The following ANKRD29 variants were observed in gnomAD, a reference collection of about 807,000 sequenced individuals.
ANKRD29 encodes ankyrin repeat domain 29.
In ANKRD29, 32 loss-of-function variants were observed where a neutral mutation model predicts 38.0. The ratio of observed to expected loss-of-function variants is 0.84; its 90% CI spans 0.64 to 1.13. ANKRD29 has a LOEUF of 1.13. Ranked by LOEUF, ANKRD29 falls within the 50% of genes most tolerant of loss-of-function variation. The pLI is 0.00. For synonymous variants in ANKRD29, 135 were observed against 152.4 expected (o/e 0.89, Z 0.84); for missense variants, 357 against 377.9 (o/e 0.94, Z 0.46).
intron 1 of ANKRD29, among the ~76,000 whole-genome samples, chr18:23,652,677 A>G (rs1484963136): frequency 1.3e-5 from 2 of 152,256 alleles, no homozygotes; most frequent in Non-Finnish European, 2.9e-5. Context: ...AATACATCAC[A>G]GAAACTGTAA....
chr18:23,607,632 A>G (rs1427949738), intron 9 of ANKRD29, among the ~76,000 whole-genome samples: 1 of 152,194 alleles, frequency 6.6e-6, no homozygotes, highest in Non-Finnish European at 1.5e-5. Flanking sequence ...TCTGTCTTCC[A>G]TGCTGTTCTA....
At chr18:23,645,563 G>C (rs2060128387) in intron 3 of ANKRD29, among the ~76,000 whole-genome samples, 1 of 152,144 alleles carries the variant, frequency 6.6e-6, no homozygotes, top group East Asian at 1.9e-4. Context: ...CACAGGGCGA[G>C]ACTCCATCTT....
intron 4 of ANKRD29, among the ~76,000 whole-genome samples, chr18:23,635,690 G>A (rs1484445533): frequency 1.3e-5 from 2 of 152,212 alleles, no homozygotes; most frequent in South Asian, 2.1e-4. Flanking sequence ...CCCACCCTCA[G>A]CCCTGCCTTC....
chr18:23,654,076 G>C (rs1054062341), intron 1 of ANKRD29, among the ~76,000 whole-genome samples: 3 of 151,680 alleles, frequency 2.0e-5, no homozygotes, highest in African/African-American at 7.3e-5. Flanking sequence ...AACCATCCCA[G>C]CCAACATGGT....
At chr18:23,612,781 T>A (rs971700449) in intron 8 of ANKRD29, among the ~76,000 whole-genome samples, 6 of 152,158 alleles carry the variant, frequency 3.9e-5, no homozygotes, top group Non-Finnish European at 7.3e-5. Flanking sequence ...GGTCAGTTGT[T>A]AATGTTTTAT....
chr18:23,653,315 A>G (rs1426926856), intron 1 of ANKRD29, among the ~76,000 whole-genome samples: 1 of 152,138 alleles, frequency 6.6e-6, no homozygotes, highest in Non-Finnish European at 1.5e-5. Context: ...CAGTGCCATG[A>G]TCTCGGCTCA....
At chr18:23,617,670 A>C (rs922417216) in intron 8 of ANKRD29, 62 bp downstream of exon 8, 33 of 1,404,996 alleles carry the variant, frequency 2.3e-5, no homozygotes, top group Middle Eastern at 3.5e-4. Flanking sequence ...ACAGTCCCCA[A>C]GTGAGGACTT....
intron 9 of ANKRD29, among the ~76,000 whole-genome samples, chr18:23,605,451 C>T (rs1411076488): frequency 6.6e-6 from 1 of 152,066 alleles, no homozygotes; most frequent in Non-Finnish European, 1.5e-5. Flanking sequence ...GTCTTCCCAC[C>T]TAGGCCTCCT....
At chr18:23,609,986 GTTGT>G (rs1227923481) in intron 9 of ANKRD29, among the ~76,000 whole-genome samples, 1 of 152,140 alleles carries the variant, frequency 6.6e-6, no homozygotes, top group Non-Finnish European at 1.5e-5. Context: ...CCCCTGGCAT[GTTGT>G]TTAACTGGCA....
At chr18:23,656,630 T>A (rs1036022795) in intron 1 of ANKRD29, among the ~76,000 whole-genome samples, 1 of 152,208 alleles carries the variant, frequency 6.6e-6, no homozygotes. Flanking sequence ...TGACCAACTA[T>A]GACAACTGCA....
At position 23,599,652 on chromosome 18, in the gene ANKRD29, T is replaced by C. The variant is rs528959827; in HGVS notation, c.*1574A>G. The stretch of plus-strand genomic sequence containing the variant: ...TTTTAGCCACCAAAATGTTTATATC[T>C]GGATGTTTTAGCAACAGAGAGCTTT... On this transcript the variant is annotated 3_prime_UTR_variant, in exon 10 of 10. Coordinates refer to ENST00000592179, the MANE Select transcript of ANKRD29 (RefSeq NM_173505.4). 1 of 152,230 alleles carries C rather than the reference T, an allele frequency of 6.6e-6. No homozygotes were observed. Among genetic ancestry groups the C allele is most frequent in the Non-Finnish European group, 1.5e-5 (1 of 68,034 alleles). 9.4% of individuals were successfully genotyped at this position (152,230 alleles called of 1,614,324 possible).
rs528457674 is a variant in ANKRD29, at chr18:23,619,491, G to T, written c.627+40C>A. 7 of 1,531,864 alleles carry T rather than the reference G, an allele frequency of 4.6e-6. No individual in the cohort carries two copies. In the South Asian group the frequency reaches 8.7e-5, roughly 19 times the overall value. 94.9% of individuals were successfully genotyped at this position (1,531,864 alleles called of 1,614,324 possible). A position where few individuals can be genotyped will look rare whatever the true frequency, so the allele number is the denominator to read the frequency against. ...CCCGTTTTCTCCACACAGGCGCGCC[G>T]GGAGGCTTCGCTCTTTGGCCGCGCG... On this transcript the variant is annotated intron_variant, in intron 7 of 9. Transcript: ENST00000592179.
At chr18:23,620,915 C>T (rs973230416) in intron 6 of ANKRD29, among the ~76,000 whole-genome samples, 2 of 152,146 alleles carry the variant, frequency 1.3e-5, no homozygotes, top group African/African-American at 2.4e-5. Context: ...GGCAAGGCCA[C>T]AGTGCCCTGA....
rs770673518 is a variant in ANKRD29, at chr18:23,638,843, T to A, written c.330+6A>T. The A allele has an allele frequency of 6.2e-7, 1 of 1,602,652 alleles. No individual in the cohort carries two copies. Among genetic ancestry groups the A allele is most frequent in the Non-Finnish European group, 8.5e-7 (1 of 1,175,150 alleles). On this transcript the variant is annotated splice_donor_region_variant and intron_variant, in intron 4 of 9. Coordinates refer to ENST00000592179, the MANE Select transcript of ANKRD29 (RefSeq NM_173505.4). ...ACATAATACAAAATCAAGAAGGTTA[T>A]CTCACTTTGGTCCTAAATTCAGTGG...
At chr18:23,611,954 C>T (rs1262358638) in intron 9 of ANKRD29, 138 bp downstream of exon 9, 1 of 679,810 alleles carries the variant, frequency 1.5e-6, no homozygotes, top group African/African-American at 1.8e-5. Flanking sequence ...CACTAATCAC[C>T]TACTAACAGC....
chr18:23,649,610 C>T (rs569572127), intron 1 of ANKRD29: 1 of 470,178 alleles, frequency 2.1e-6, no homozygotes, highest in African/African-American at 2.0e-5. Flanking sequence ...CAAAATTTCT[C>T]CCAATTCTGA....
chr18:23,654,190 C>T (rs936511358), intron 1 of ANKRD29, among the ~76,000 whole-genome samples: 2 of 151,722 alleles, frequency 1.3e-5, no homozygotes, highest in Non-Finnish European at 2.9e-5. Flanking sequence ...TGCTTGAATC[C>T]GGGAGGCGGA....
chr18:23,638,313 A>T (rs2060029692), intron 4 of ANKRD29, among the ~76,000 whole-genome samples: 1 of 152,106 alleles, frequency 6.6e-6, no homozygotes, highest in Non-Finnish European at 1.5e-5. Flanking sequence ...TACTTCTTTA[A>T]AGGAAGAACC....
chr18:23,642,864 T>C (rs1244996355), intron 3 of ANKRD29, among the ~76,000 whole-genome samples: 2 of 152,238 alleles, frequency 1.3e-5, no homozygotes, highest in African/African-American at 2.4e-5. Flanking sequence ...AGATTTAAAA[T>C]GCTAATCTTA....
Sources: allele counts gnomAD v4.1 joint callset (sites outside exome capture counted in the v4.1 genomes callset), GRCh38; gene constraint gnomAD v4.1.1; transcripts MANE v1.5; gene names NCBI Gene and HGNC (gene_info 2026-07-23, HGNC 2026-07-21).